The following BMP4 variants were observed in gnomAD, a reference collection of about 807,000 sequenced individuals.
BMP4 encodes bone morphogenetic protein 4.
BMP4 carries 3 observed loss-of-function variants against 29.6 expected under a neutral mutation model. That is an observed-to-expected ratio of 0.10 (90% CI 0.05 to 0.26). The LOEUF is 0.26. BMP4 is among the 10% of genes least tolerant of loss of function. The probability of loss-of-function intolerance (pLI) is 1.00; values close to 1 mark genes in which losing one functional copy is unlikely to be tolerated. For synonymous variants in BMP4, 197 were observed against 213.2 expected, an observed-to-expected ratio of 0.92 and a Z score of 0.66; for missense variants, 455 against 550.2, an observed-to-expected ratio of 0.83 and a Z score of 1.73.
intron 1 of BMP4, among the ~76,000 whole-genome samples, 197 bp downstream of exon 1, chr14:53,956,353 G>A (rs1390146487): frequency 1.3e-5 from 2 of 152,192 alleles, no homozygotes; most frequent in African/African-American, 4.8e-5. Context: ...GGGACTGCTG[G>A]ACAGAGAAGG....
chr14:53,952,457 A>T (rs1413241662), intron 2 of BMP4, among the ~76,000 whole-genome samples: 1 of 151,716 alleles, frequency 6.6e-6, no homozygotes, highest in Non-Finnish European at 1.5e-5. Flanking sequence ...TACTTGGTCT[A>T]ACTTGTTTAC....
At position 53,950,749 on chromosome 14, in the gene BMP4, A is replaced by G. The variant is rs747360940; in HGVS notation, c.510T>C (p.Asp170=). 1.3e-5 allele frequency: 21 copies of G among 1,613,954 alleles called. No homozygotes were observed. Among genetic ancestry groups the G allele is most frequent in the South Asian group, 4.4e-5 (4 of 91,076 alleles). Residue 170 remains aspartate (D), a synonymous_variant, in exon 4 of 4, where the codon GAT becomes GAC. Coordinates refer to ENST00000245451, the MANE Select transcript of BMP4 (RefSeq NM_001202.6). The surrounding 1 kb of genome is among the most constrained non-coding windows in gnomAD (Gnocchi z 5.4). Reference sequence around the variant, plus strand: ...TTATACGGTGGAAGCCCCTTTCCCAATCAGGGCCCTGGTCCACCTGCTCCC... The same window carrying G: ...TTATACGGTGGAAGCCCCTTTCCCAGTCAGGGCCCTGGTCCACCTGCTCCC... ...LFREQVDQGP[D]WERGFHRINI... is the part of the protein sequence containing the mutation.
chr14:53,952,253 A>G (rs1594795121), intron 2 of BMP4, 24 bp from the exon 3 acceptor site: 2 of 1,611,404 alleles, frequency 1.2e-6, no homozygotes, highest in African/African-American at 1.3e-5. Context: ...GGGGAGTGGA[A>G]GGTTAAAGAA....
intron 2 of BMP4, 143 bp from the exon 3 acceptor site, chr14:53,952,372 T>C: frequency 9.4e-7 from 1 of 1,064,614 alleles, no homozygotes; most frequent in Non-Finnish European, 1.3e-6. Flanking sequence ...CAAGTTTGTG[T>C]CTTCTCCCTC....
chr14:53,951,769 G>C (rs761256804), intron 3 of BMP4, 84 bp downstream of exon 3: 1 of 1,550,436 alleles, frequency 6.4e-7, no homozygotes, highest in African/African-American at 1.4e-5. Context: ...GATGTAACCC[G>C]AACTCTTCTT....
rs758300092 is a variant in BMP4, at chr14:53,950,488, C to T, written c.771G>A (p.Ser257=). The change falls in exon 4 of 4, where the codon TCG becomes TCA. Residue 257 remains serine (S), a synonymous_variant. Transcript: ENST00000245451. The surrounding 1 kb of genome is among the most constrained non-coding windows in gnomAD (Gnocchi z 5.4). ...CCCAATTCCCACTCCCTTGAGGTAA[C>T]GATCGGCTAATCCTGACATGCTGGC... is the stretch of plus-strand genomic sequence containing the variant. ...HQGQHVRISR[S]LPQGSGNWAQ... is the part of the protein sequence containing the mutation. 36 of 1,614,028 alleles carry T rather than the reference C, an allele frequency of 2.2e-5. No individual in the cohort carries two copies. The highest frequency in any genetic ancestry group is 1.4e-4 in the South Asian group (13 of 91,086).
chr14:53,951,307 C>T (rs797015999), intron 3 of BMP4: 1 of 253,878 alleles, frequency 3.9e-6, no homozygotes, highest in Non-Finnish European at 7.6e-6. Flanking sequence ...CAACCACCCT[C>T]TCCCTCTTCC....
rs777036089 is a variant in BMP4, at chr14:53,950,644, G to T, written c.615C>A (p.Val205=). 2.2e-5 allele frequency: 35 copies of T among 1,614,124 alleles called. No homozygotes were observed. In the African/African-American group the frequency reaches 4.7e-4, roughly 22 times the overall value. ...TTTCCCACCGTGTCACATTGTGGTGGACCAGTCTCGTGTCCAGTAGTCGTG... is the reference window on the plus strand; with the variant it reads ...TTTCCCACCGTGTCACATTGTGGTGTACCAGTCTCGTGTCCAGTAGTCGTG... ...LITRLLDTRL[V]HHNVTRWETF... is the part of the protein sequence containing the mutation. The change falls in exon 4 of 4, where the codon GTC becomes GTA. Residue 205 remains valine, a synonymous_variant. Transcript: ENST00000245451. This position sits in a 1 kb window ranked among gnomAD's most constrained non-coding sequence, Gnocchi z 5.4.
chr14:53,952,392 GC>G (rs1895489448), intron 2 of BMP4, among the ~76,000 whole-genome samples, 163 bp from the exon 3 acceptor site: 2 of 148,972 alleles, frequency 1.3e-5, no homozygotes, highest in African/African-American at 2.5e-5. Flanking sequence ...CACACCACCC[GC>G]CCACCCACCA....
rs1001837521 is a variant in BMP4, at chr14:53,954,074, A to C, written c.-132-674T>G. ...CTCCGAAGAGCCGGGCCACCGATCTAGCTCCCGGCTGAAAGCAGCCGACCT... is the reference window on the plus strand; with the variant it reads ...CTCCGAAGAGCCGGGCCACCGATCTCGCTCCCGGCTGAAAGCAGCCGACCT... On this transcript the variant is annotated intron_variant, in intron 1 of 3. Transcript: ENST00000245451. The surrounding 1 kb of genome is among the most constrained non-coding windows in gnomAD (Gnocchi z 4.8). Among the ~76,000 whole-genome samples the C allele has an allele frequency of 6.6e-6, 1 of 152,124 alleles. No homozygotes were observed. The highest frequency in any genetic ancestry group is 2.4e-5 in the African/African-American group (1 of 41,440).
At chr14:53,953,231 G>A (rs976461762) in intron 2 of BMP4, 45 bp downstream of exon 2, 1 of 395,324 alleles carries the variant, frequency 2.5e-6, no homozygotes. Context: ...GGTGGTGAGG[G>A]CAGAGTGAAT....
rs796563569 is a variant in BMP4 at position 53,949,883 on chromosome 14, C to CATTTT, written c.*148_*149insAAAAT. The CATTTT allele has an allele frequency of 2.6e-4, 170 of 644,190 alleles. 9 individuals are homozygous for CATTTT. The highest frequency in any genetic ancestry group is 8.7e-4 in the East Asian group (29 of 33,352). 39.9% of individuals were successfully genotyped at this position (644,190 alleles called of 1,614,324 possible). A position where few individuals can be genotyped will look rare whatever the true frequency, so the allele number is the denominator to read the frequency against. ...AAGGTGAATGTTTAGGGATTTTTTC[C>CATTTT]TTTTTTTTTTTTTTTTTTAAATAAA... On this transcript the variant is annotated 3_prime_UTR_variant, in exon 4 of 4. Coordinates refer to ENST00000245451, the MANE Select transcript of BMP4 (RefSeq NM_001202.6).
At position 53,952,112 on chromosome 14, in the gene BMP4, C is replaced by T. The variant is rs150187403; in HGVS notation, c.111G>A (p.Glu37=). The T allele has an allele frequency of 1.9e-6, 3 of 1,613,648 alleles. No homozygotes were observed. In the Admixed American group the frequency reaches 5.0e-5, roughly 27 times the overall value. Residue 37 remains glutamate (E), a synonymous_variant, in exon 3 of 4, where the codon GAG becomes GAA. Transcript: ENST00000245451. ...IPETGKKKVA[E]IQGHAGGRRS... is the part of the protein sequence containing the mutation. ...GGCGTCCTCCCGCGTGGCCCTGAAT[C>T]TCGGCGACTTTTTTCTTCCCCGTCT... is the stretch of plus-strand genomic sequence containing the variant.
chr14:53,954,695 C>A lies in BMP4; in HGVS notation c.-132-1295G>T, dbSNP rs1461278384. On this transcript the variant is annotated intron_variant, in intron 1 of 3. Transcript: ENST00000245451. This position sits in a 1 kb window ranked among gnomAD's most constrained non-coding sequence, Gnocchi z 4.8. ...GCTGCCGCGCGCGTGGGTCGCTCTG[C>A]GCAAGGGCCTCTTCGAAAACCCGAC... The A allele has an allele frequency of 1.3e-5, 2 of 152,148 alleles. No homozygotes were observed. Among genetic ancestry groups the A allele is most frequent in the Admixed American group, 1.3e-4 (2 of 15,278 alleles). 9.4% of individuals were successfully genotyped at this position (152,148 alleles called of 1,614,324 possible).
At position 53,950,576 on chromosome 14, in the gene BMP4, T is replaced by C. The variant is rs1355254921; in HGVS notation, c.683A>G (p.Lys228Arg). 1 of 1,614,258 alleles carries C rather than the reference T, an allele frequency of 6.2e-7. No individual in the cohort carries two copies. The highest frequency in any genetic ancestry group is 1.3e-5 in the African/African-American group (1 of 75,074). ...SPAVLRWTRE[K>R]QPNYGLAIEV... The stretch of plus-strand genomic sequence containing the variant: ...AATGGCTAGCCCATAGTTTGGCTGC[T>C]TCTCCCGGGTCCAGCGAAGGACCGC... The change falls in exon 4 of 4, where the codon AAG becomes AGG. Residue 228 changes from lysine to arginine, a missense_variant. Transcript: ENST00000245451. The surrounding 1 kb of genome is among the most constrained non-coding windows in gnomAD (Gnocchi z 5.4).
At position 53,951,971 on chromosome 14, in the gene BMP4, C is replaced by A; in HGVS notation, c.252G>T (p.Arg84=). 1.2e-6 allele frequency: 2 copies of A among 1,612,500 alleles called. No individual in the cohort carries two copies. The highest frequency in any genetic ancestry group is 1.7e-6 in the Non-Finnish European group (2 of 1,180,036). ...SKSAVIPDYM[R]DLYRLQSGEE... ...CCCCAGACTGAAGCCGGTAAAGATC[C>A]CGCATGTAGTCCGGAATGACGGCAC... The change falls in exon 3 of 4, where the codon CGG becomes CGT. Residue 84 remains arginine, a synonymous_variant. Transcript: ENST00000245451.
In BMP4 at chr14:53,950,774, C is replaced by T. The variant is rs770493925; in HGVS notation, c.485G>A (p.Arg162Gln). 73 of 1,613,588 alleles carry T rather than the reference C, an allele frequency of 4.5e-5. No homozygotes were observed. The East Asian group carries it at 1.4e-3, about 32-fold the overall frequency. Residue 162 changes from arginine to glutamine, a missense_variant, in exon 4 of 4, where the codon CGG becomes CAG. Arg to Gln is a conservative substitution (Grantham distance 43). Coordinates refer to ENST00000245451, the MANE Select transcript of BMP4 (RefSeq NM_001202.6). The surrounding 1 kb of genome is among the most constrained non-coding windows in gnomAD (Gnocchi z 5.4). The stretch of plus-strand genomic sequence containing the variant: ...ATCAGGGCCCTGGTCCACCTGCTCC[C>T]GGAAGAGCCGAAGCTCTGCAGAGGA... ...VISSAELRLF[R>Q]EQVDQGPDWE...
In BMP4 at chr14:53,950,729, CGGT is replaced by C. The variant is rs1566579699; in HGVS notation, c.527_529del (p.His176del). On this transcript the variant is annotated inframe_deletion, in exon 4 of 4. Coordinates refer to ENST00000245451, the MANE Select transcript of BMP4 (RefSeq NM_001202.6). This position sits in a 1 kb window ranked among gnomAD's most constrained non-coding sequence, Gnocchi z 5.4. ...CTTCATAACCTCATAAATGTTTATA[CGGT>C]GGAAGCCCCTTTCCCAATCAGGGCC... 1 of 1,613,954 alleles carries C rather than the reference CGGT, an allele frequency of 6.2e-7. No individual in the cohort carries two copies. The highest frequency in any genetic ancestry group is 1.3e-5 in the African/African-American group (1 of 74,932).
intron 1 of BMP4, 71 bp downstream of exon 1, chr14:53,956,479 C>G (rs1189361472): frequency 5.0e-6 from 2 of 399,136 alleles, no homozygotes. Context: ...AGCCTGTGAC[C>G]AGCTTCTTCC....
Sources: gnomAD v4.1 joint callset for allele counts (sites outside exome capture counted in the v4.1 genomes callset) on GRCh38, gnomAD v4.1.1 for gene constraint, Gnocchi (gnomAD v3.1) non-coding constraint, MANE v1.5 for transcripts, NCBI Gene and HGNC (gene_info 2026-07-23, HGNC 2026-07-21) for gene names.